ADAMTS17: variants seen among roughly 807,000 people sequenced by gnomAD.
ADAMTS17 encodes ADAM metallopeptidase with thrombospondin type 1 motif 17.
Under a neutral mutation model 141.5 loss-of-function variants are expected in ADAMTS17, and 113 were observed. That is an observed-to-expected ratio of 0.80 (90% CI 0.69 to 0.93). ADAMTS17 has a LOEUF of 0.93. Among genes scored for constraint, ADAMTS17 ranks in the 40% least tolerant of loss-of-function variants. ADAMTS17 has a pLI of 0.00. For synonymous variants in ADAMTS17, 768 were observed against 630.6 expected (o/e 1.22, Z -3.27); for missense variants, 1,659 against 1,517.9 (o/e 1.09, Z -1.54).
At chr15:100,108,248 C>G in intron 14 of ADAMTS17, among the ~76,000 whole-genome samples, 1 of 151,840 alleles carries the variant, frequency 6.6e-6, no homozygotes, top group East Asian at 1.9e-4. Context: ...CTCAGCTCAC[C>G]GCAACCTCCG....
Position 100,330,903 on chromosome 15 carries a change from C to A in ADAMTS17, c.602G>T (p.Cys201Phe). The change falls in exon 3 of 22, where the codon TGC (cysteine) becomes TTC (phenylalanine). Residue 201 changes from cysteine to phenylalanine, a missense_variant. Physicochemically the swap from Cys to Phe is radical, Grantham distance 205. Coordinates refer to ENST00000268070, the MANE Select transcript of ADAMTS17 (RefSeq NM_139057.4). ...CCCCGACTCACCTGTTAGAACCTTG[C>A]AGAGCTGCTCAGGTCTCTGGGCCTC... ...SAEAQRPEQL[C>F]KVLTEKKKPT... 6.2e-7 allele frequency: 1 copy of A among 1,614,152 alleles called. No individual in the cohort carries two copies. Among genetic ancestry groups the A allele is most frequent in the Non-Finnish European group, 8.5e-7 (1 of 1,180,026 alleles).
At chr15:100,146,663 G>A (rs557382257) in intron 10 of ADAMTS17, among the ~76,000 whole-genome samples, 66 of 64,942 alleles carry the variant, frequency 1.0e-3, no homozygotes, top group African/African-American at 2.5e-3. Context: ...CGGTGAGCCA[G>A]GCGGAACAGA....
intron 7 of ADAMTS17, among the ~76,000 whole-genome samples, chr15:100,219,188 G>A (rs2042058381): frequency 6.6e-6 from 1 of 152,202 alleles, no homozygotes; most frequent in African/African-American, 2.4e-5. Flanking sequence ...TTGGGGACAA[G>A]AGTGTTGACA....
chr15:100,283,047 C>T (rs1214420870), intron 3 of ADAMTS17, among the ~76,000 whole-genome samples: 2 of 143,604 alleles, frequency 1.4e-5, no homozygotes, highest in Non-Finnish European at 3.0e-5. Flanking sequence ...GCAGGTATTA[C>T]TGTATTTTAA....
At chr15:100,152,825 T>A in intron 9 of ADAMTS17, 63 bp from the exon 10 acceptor site, 1 of 1,477,020 alleles carries the variant, frequency 6.8e-7, no homozygotes. Context: ...TGTTTTCTTT[T>A]TCTTTTTTTT....
intron 15 of ADAMTS17, among the ~76,000 whole-genome samples, chr15:100,064,816 G>C (rs1169832892): frequency 6.6e-6 from 1 of 152,174 alleles, no homozygotes; most frequent in Non-Finnish European, 1.5e-5. Context: ...TAACATGACG[G>C]TGAGATTCTG....
chr15:100,269,586 T>C (rs1206876963), intron 4 of ADAMTS17, among the ~76,000 whole-genome samples: 1 of 152,196 alleles, frequency 6.6e-6, no homozygotes, highest in East Asian at 1.9e-4. Flanking sequence ...AGAGACTCAC[T>C]CTGCCCGCCC....
At chr15:100,094,805 T>C (rs1304936986) in intron 15 of ADAMTS17, among the ~76,000 whole-genome samples, 1 of 152,158 alleles carries the variant, frequency 6.6e-6, no homozygotes, top group African/African-American at 2.4e-5. Context: ...TCAGCAGCAA[T>C]AGGCAAGGTC....
At chr15:100,212,574 G>A (rs2041842911) in intron 7 of ADAMTS17, among the ~76,000 whole-genome samples, 1 of 151,820 alleles carries the variant, frequency 6.6e-6, no homozygotes, top group Non-Finnish European at 1.5e-5. Flanking sequence ...AGGAATCCCA[G>A]AATGTAATCA....
At chr15:100,249,444 G>A (rs561757323) in intron 7 of ADAMTS17, among the ~76,000 whole-genome samples, 1 of 152,236 alleles carries the variant, frequency 6.6e-6, no homozygotes, top group Admixed American at 6.5e-5. Flanking sequence ...GAAGCCCAAA[G>A]GCCAGAATCT....
intron 7 of ADAMTS17, among the ~76,000 whole-genome samples, chr15:100,207,239 G>A (rs1056467507): frequency 2.0e-5 from 3 of 152,194 alleles, no homozygotes; most frequent in Admixed American, 2.0e-4. Flanking sequence ...GTGAGCACAA[G>A]AGGGCAGGTG....
chr15:100,075,002 A>G (rs1362070450), intron 15 of ADAMTS17, among the ~76,000 whole-genome samples: 2 of 152,122 alleles, frequency 1.3e-5, no homozygotes, highest in African/African-American at 4.8e-5. Flanking sequence ...GGATTTCTTC[A>G]TCCTGTCCCC....
chr15:100,223,891 C>T (rs1230672019), intron 7 of ADAMTS17, among the ~76,000 whole-genome samples: 1 of 151,984 alleles, frequency 6.6e-6, no homozygotes, highest in Non-Finnish European at 1.5e-5. Flanking sequence ...AATAGGCTGT[C>T]TGCAAGCTGA....
At chr15:100,099,618 C>A (rs2035972532) in intron 14 of ADAMTS17, among the ~76,000 whole-genome samples, 1 of 152,202 alleles carries the variant, frequency 6.6e-6, no homozygotes, top group African/African-American at 2.4e-5. Flanking sequence ...GCTTTCAAAG[C>A]AGGGCTTCAA....
At chr15:100,144,773 C>A in intron 10 of ADAMTS17, among the ~76,000 whole-genome samples, 1 of 151,980 alleles carries the variant, frequency 6.6e-6, no homozygotes, top group South Asian at 2.1e-4. Context: ...ATAACACACG[C>A]GTGTCGATGA....
chr15:100,319,168 G>T (rs562857684), intron 3 of ADAMTS17, among the ~76,000 whole-genome samples: 57 of 152,364 alleles, frequency 3.7e-4, no homozygotes, highest in African/African-American at 1.3e-3. Context: ...AGCACTGGGG[G>T]CAGGGGGTGG....
rs1021821843 is a variant in ADAMTS17 at position 100,341,817 on chromosome 15, C to A, written c.79+4G>T. ...GTGAAGAGGGCTGTGGGAGGGGGCG[C>A]TACCTGTGCCCGGGTCCAGTCCCCA... On this transcript the variant is annotated splice_donor_region_variant and intron_variant, in intron 1 of 21. Transcript: ENST00000268070. 2 of 1,550,756 alleles carry A rather than the reference C, an allele frequency of 1.3e-6. No homozygotes were observed.
intron 7 of ADAMTS17, among the ~76,000 whole-genome samples, chr15:100,246,104 C>A (rs2042979614): frequency 6.6e-6 from 1 of 152,132 alleles, no homozygotes; most frequent in East Asian, 1.9e-4. Context: ...AGACGCTCTC[C>A]AACGATCAGA....
intron 9 of ADAMTS17, among the ~76,000 whole-genome samples, chr15:100,153,903 G>T (rs146471060): frequency 6.6e-6 from 1 of 152,128 alleles, no homozygotes; most frequent in African/African-American, 2.4e-5. Context: ...GATCTTGGCC[G>T]GGCGCGGTAG....
Sources: allele counts gnomAD v4.1 joint callset (sites outside exome capture counted in the v4.1 genomes callset), GRCh38; gene constraint gnomAD v4.1.1; transcripts MANE v1.5; gene names NCBI Gene and HGNC (gene_info 2026-07-23, HGNC 2026-07-21).